The following PIDD1 variants were observed in gnomAD, a reference collection of about 807,000 sequenced individuals.
PIDD1 encodes p53-induced death domain-containing protein 1.
A neutral mutation model predicts 80.0 loss-of-function variants in PIDD1; 72 were observed. The ratio of observed to expected loss-of-function variants is 0.90; its 90% CI spans 0.74 to 1.09. PIDD1 has a LOEUF of 1.09. PIDD1 is among the 50% of genes least tolerant of loss of function. PIDD1 has a pLI of 0.00. For synonymous variants in PIDD1, 655 were observed against 543.5 expected (o/e 1.21, Z -2.85); for missense variants, 1,329 against 1,228.3 (o/e 1.08, Z -1.23).
chr11:802,898 G>A lies in PIDD1; in HGVS notation c.710-7C>T, dbSNP rs1208662268. 3.9e-6 allele frequency: 6 copies of A among 1,556,018 alleles called. No homozygotes were observed. The Admixed American group carries it at 1.2e-4, about 30-fold the overall frequency. ...CGCAAGGACCGAAGTCCCGCTGCGG[G>A]CAGTTGCTGGCTTAGGCTTGGCACC... On this transcript the variant is annotated splice_polypyrimidine_tract_variant and splice_region_variant and intron_variant, in intron 3 of 15. Coordinates refer to ENST00000347755, the MANE Select transcript of PIDD1 (RefSeq NM_145886.4).
rs770048121 is a variant in PIDD1, at chr11:802,321, G to C, written c.1050C>G (p.Thr350=). Residue 350 remains threonine, a synonymous_variant, in exon 6 of 16, where the codon ACC becomes ACG. Coordinates refer to ENST00000347755, the MANE Select transcript of PIDD1 (RefSeq NM_145886.4). Reference sequence around the variant, plus strand: ...GATAGCGGATGGTGATGGGGGTGGCGGTGGCTCCCGCTGGGAACTGCAGGC... The same window carrying C: ...GATAGCGGATGGTGATGGGGGTGGCCGTGGCTCCCGCTGGGAACTGCAGGC... The part of the protein sequence containing the change: ...GVRLQFPAGA[T]ATPITIRYRL... 1.9e-6 allele frequency: 3 copies of C among 1,611,928 alleles called. No individual in the cohort carries two copies. The highest frequency in any genetic ancestry group is 1.3e-5 in the African/African-American group (1 of 75,028).
At chr11:807,175 G>A (rs1180063954), upstream of PIDD1, among the ~76,000 whole-genome samples, 1 of 144,794 alleles carries the variant, frequency 6.9e-6, no homozygotes, top group Non-Finnish European at 1.5e-5. Flanking sequence ...TTGGGTGAGA[G>A]TGAGACTCCC....
intron 1 of PIDD1, chr11:804,668 C>A (rs773152197): frequency 4.6e-6 from 2 of 437,068 alleles, no homozygotes; most frequent in Non-Finnish European, 8.0e-6. Flanking sequence ...CGCCATGGCT[C>A]GCAGGAGCAC....
At chr11:802,132 G>GC (rs1865399307) in intron 6 of PIDD1, 42 bp from the exon 7 acceptor site, 3 of 1,561,292 alleles carry the variant, frequency 1.9e-6, no homozygotes, top group Non-Finnish European at 2.6e-6. Flanking sequence ...CCATGCCCGG[G>GC]CCCGCACACT....
upstream of PIDD1, chr11:805,544 AG>A (rs1282140032): frequency 1.1e-6 from 1 of 901,138 alleles, no homozygotes; most frequent in Non-Finnish European, 1.3e-6. Flanking sequence ...GGCCGCTCCG[AG>A]GCAGACCCGG....
At chr11:804,050 C>T (rs372626637) in intron 2 of PIDD1, 44 bp downstream of exon 2, 2 of 1,553,274 alleles carry the variant, frequency 1.3e-6, no homozygotes, top group Non-Finnish European at 1.7e-6. Context: ...AGAGGCAGGG[C>T]AGAGCGAGAG....
At chr11:803,644 G>T in intron 2 of PIDD1, 57 bp from the exon 3 acceptor site, 1 of 1,544,392 alleles carries the variant, frequency 6.5e-7, no homozygotes, top group South Asian at 1.2e-5. Context: ...GTCCCAGATC[G>T]ACCCTGCCAG....
intron 6 of PIDD1, 31 bp downstream of exon 6, chr11:802,136 GCACACTGCCCCTGCCATGCCCTGGCCCA>G (rs760790712): frequency 3.1e-5 from 48 of 1,560,716 alleles, no homozygotes; most frequent in African/African-American, 2.4e-4. Context: ...GCCCGGGCCC[GCACACTGCCCCTGCCATGCCCTGGCCCA>G]CACACTGCCC....
intron 1 of PIDD1, 40 bp downstream of exon 1, chr11:805,139 G>A (rs936075364): frequency 1.5e-5 from 14 of 920,456 alleles, no homozygotes; most frequent in Non-Finnish European, 1.8e-5. Context: ...AAGCAAACGT[G>A]TCCCCGCCGC....
chr11:802,474 G>A (rs1865438825), intron 5 of PIDD1, 69 bp downstream of exon 5: 3 of 1,597,438 alleles, frequency 1.9e-6, no homozygotes, highest in Admixed American at 3.3e-5. Context: ...GAACTCTGGA[G>A]AAGGTGTCGG....
rs777560766 is a variant in PIDD1 at position 804,166 on chromosome 11, G to A, written c.223C>T (p.Pro75Ser). 34 of 1,613,322 alleles carry A rather than the reference G, an allele frequency of 2.1e-5. No individual in the cohort carries two copies. Among genetic ancestry groups the A allele is most frequent in the Admixed American group, 3.3e-5 (2 of 59,992 alleles). Residue 75 changes from proline (P) to serine (S), a missense_variant, in exon 2 of 16, where the codon CCT becomes TCT. Pro to Ser is a moderately conservative substitution (Grantham distance 74). Transcript: ENST00000347755. ...GCCAGGGTGGCCTCCAGCAGCTGAG[G>A]GTCCTCGTGAGTGCTCAGACGCAAG... Reference protein sequence around the residue: ...EFLRLSTHEDPQLLEATLAQL... With the variant: ...EFLRLSTHEDSQLLEATLAQL...
intron 3 of PIDD1, 45 bp from the exon 4 acceptor site, chr11:802,936 G>C (rs375999664): frequency 6.0e-5 from 89 of 1,484,232 alleles, no homozygotes; most frequent in Non-Finnish European, 7.2e-5. Flanking sequence ...CCCAGCCCAC[G>C]GCGCTGGGAC....
chr11:801,631 T>TC lies in PIDD1; in HGVS notation c.1303-8_1303-7insG, dbSNP rs1554969641. 434 of 1,548,030 alleles carry TC rather than the reference T, an allele frequency of 2.8e-4. 3 individuals are homozygous for TC. Among genetic ancestry groups the TC allele is most frequent in the Non-Finnish European group, 3.5e-4 (402 of 1,145,618 alleles). On this transcript the variant is annotated splice_region_variant and splice_polypyrimidine_tract_variant and intron_variant, in intron 7 of 15. Coordinates refer to ENST00000347755, the MANE Select transcript of PIDD1 (RefSeq NM_145886.4). Reference sequence around the variant, plus strand: ...GGCAGTGAGCCCAGAGCCGCTGGGATGGGGGAGAGAGGAGGTCACAGGAGC... The same window carrying TC: ...GGCAGTGAGCCCAGAGCCGCTGGGATCGGGGGAGAGAGGAGGTCACAGGAGC...
Position 801,361 on chromosome 11 carries a change from A to G in PIDD1, c.1487T>C (p.Val496Ala). The G allele has an allele frequency of 1.9e-6, 3 of 1,608,930 alleles. No homozygotes were observed. Among genetic ancestry groups the G allele is most frequent in the Non-Finnish European group, 2.5e-6 (3 of 1,177,958 alleles). Residue 496 changes from valine (V) to alanine (A), a missense_variant, in exon 9 of 16, where the codon GTG becomes GCG. Val to Ala is a moderately conservative substitution (Grantham distance 64). Coordinates refer to ENST00000347755, the MANE Select transcript of PIDD1 (RefSeq NM_145886.4). ...EEPRRVSMQVVRMAGRELQAL... is the reference protein window; with the variant it reads ...EEPRRVSMQVARMAGRELQAL... ...CTGCAGCTCTCGGCCAGCCATGCGC[A>G]CCACCTGGGGCAGACAGGCCCCCTG...
Position 802,747 on chromosome 11 carries a change from GC to G in PIDD1, c.853del (p.Ala285ProfsTer35). The G allele has an allele frequency of 6.2e-7, 1 of 1,611,196 alleles. No individual in the cohort carries two copies. Among genetic ancestry groups the G allele is most frequent in the Non-Finnish European group, 8.5e-7 (1 of 1,179,244 alleles). Reference protein sequence around the residue: ...LRDLPPELLDAPFVRLQGNPL... With the variant: ...LRDLPPELLDXPFVRLQGNPL... ...GTTCCCCTGCAGGCGCACAAAGGGG[GC>G]GTCTAGCAGCTCAGGGGGCAGGTCC... On this transcript the variant is annotated frameshift_variant, in exon 4 of 16. Coordinates refer to ENST00000347755, the MANE Select transcript of PIDD1 (RefSeq NM_145886.4). LOFTEE classifies it high-confidence loss of function.
Position 800,888 on chromosome 11 carries a change from C to T in PIDD1, c.1791G>A (p.Lys597=). The T allele has an allele frequency of 6.3e-7, 1 of 1,589,388 alleles. No individual in the cohort carries two copies. Among genetic ancestry groups the T allele is most frequent in the East Asian group, 2.3e-5 (1 of 44,006 alleles). The part of the protein sequence containing the change: ...FSWYWLWYTT[K]NCVGGLARKA... ...TCCGAGCCAGGCCTCCCACACAGTT[C>T]TTGGTGGTGTACCAGAGCCAGTACC... The change falls in exon 11 of 16, where the codon AAG becomes AAA. Residue 597 remains lysine, a synonymous_variant. Transcript: ENST00000347755.
intron 14 of PIDD1, 40 bp downstream of exon 14, chr11:800,091 C>A: frequency 6.2e-7 from 1 of 1,605,362 alleles, no homozygotes; most frequent in South Asian, 1.1e-5. Flanking sequence ...ACCCCTGGGC[C>A]TCGGTCCTGC....
In PIDD1 at chr11:802,330, C is replaced by T. The variant is rs568457607; in HGVS notation, c.1041G>A (p.Ala347=). 3.7e-5 allele frequency: 60 copies of T among 1,611,896 alleles called. No homozygotes were observed. The highest frequency in any genetic ancestry group is 1.9e-4 in the South Asian group (17 of 91,070). Residue 347 remains alanine (A), a synonymous_variant, in exon 6 of 16, where the codon GCG becomes GCA. Coordinates refer to ENST00000347755, the MANE Select transcript of PIDD1 (RefSeq NM_145886.4). ...TGGTGATGGGGGTGGCGGTGGCTCCCGCTGGGAACTGCAGGCGGACGCCAC... is the reference window on the plus strand; with the variant it reads ...TGGTGATGGGGGTGGCGGTGGCTCCTGCTGGGAACTGCAGGCGGACGCCAC... ...LACGVRLQFP[A]GATATPITIR... is the part of the protein sequence containing the mutation.
At chr11:807,633 C>A (rs188781131), upstream of PIDD1, among the ~76,000 whole-genome samples, 1 of 149,268 alleles carries the variant, frequency 6.7e-6, no homozygotes, top group Non-Finnish European at 1.5e-5. Flanking sequence ...AAAACTTAGC[C>A]GGGCGCGGTA....
Sources: allele counts gnomAD v4.1 joint callset (sites outside exome capture counted in the v4.1 genomes callset), GRCh38; gene constraint gnomAD v4.1.1; transcripts MANE v1.5; gene names NCBI Gene and HGNC (gene_info 2026-07-23, HGNC 2026-07-21).